TRIP12: variants seen among roughly 807,000 people sequenced by gnomAD.
TRIP12 encodes the protein thyroid hormone receptor interactor 12.
A neutral mutation model predicts 244.2 loss-of-function variants in TRIP12; 25 were observed. The ratio of observed to expected loss-of-function variants is 0.10; its 90% CI spans 0.07 to 0.14. The LOEUF is 0.14. TRIP12 is among the 10% of genes least tolerant of loss of function. The pLI is 1.00. For missense variants in TRIP12, 1,677 were observed against 2,486.4 expected (o/e 0.67, Z 6.92); for synonymous variants, 905 against 873.1 (o/e 1.04, Z -0.64).
Position 229,872,564 on chromosome 2 carries a change from C to CA in TRIP12, c.98+7417dup, listed in dbSNP as rs796098483. Among the ~76,000 whole-genome samples the CA allele has an allele frequency of 1.1e-4, 17 of 149,676 alleles. No individual in the cohort carries two copies. The South Asian group carries it at 1.7e-3, about 15-fold the overall frequency. ...GTGAGACAGAGCAAGACTCTGTCTC[C>CA]AAAAAAAATAAAGAAAAAGATGCCT... On this transcript the variant is annotated intron_variant, in intron 2 of 41. Coordinates refer to ENST00000675903, the MANE Select transcript of TRIP12 (RefSeq NM_001348323.3).
chr2:229,810,759 T>C (rs1420681037), intron 15 of TRIP12, 121 bp downstream of exon 15: 1 of 978,976 alleles, frequency 1.0e-6, no homozygotes, highest in Non-Finnish European at 1.5e-6. Flanking sequence ...AACACTTTTC[T>C]TTACTATCCA....
chr2:229,787,797 G>T, intron 32 of TRIP12, 136 bp from the exon 33 acceptor site: 1 of 874,962 alleles, frequency 1.1e-6, no homozygotes, highest in Non-Finnish European at 1.7e-6. Flanking sequence ...AAATTGTTTA[G>T]GTCAATTTAT....
intron 4 of TRIP12, among the ~76,000 whole-genome samples, chr2:229,844,046 A>G (rs1406623219): frequency 3.3e-5 from 5 of 152,324 alleles, no homozygotes; most frequent in South Asian, 2.1e-4. Flanking sequence ...GAAATGTGAT[A>G]TAATTAAAAC....
chr2:229,858,289 G>A (rs1006576546), intron 4 of TRIP12, among the ~76,000 whole-genome samples: 49 of 152,310 alleles, frequency 3.2e-4, no homozygotes, highest in African/African-American at 1.2e-3. Context: ...CTTAAGCCCA[G>A]GAGGCGGAGG....
chr2:229,783,771 T>G (rs994242653), intron 34 of TRIP12, among the ~76,000 whole-genome samples: 4 of 146,014 alleles, frequency 2.7e-5, no homozygotes, highest in Non-Finnish European at 6.0e-5. Context: ...ATTCTAAAAT[T>G]CACATGAAAT....
intron 1 of TRIP12, among the ~76,000 whole-genome samples, chr2:229,880,472 A>C (rs904367991): frequency 1.6e-4 from 25 of 152,240 alleles, no homozygotes; most frequent in African/African-American, 5.8e-4. Context: ...CTAAACAGGC[A>C]CTACACCTCA....
chr2:229,835,007 A>G (rs959016577), intron 6 of TRIP12, among the ~76,000 whole-genome samples: 1 of 152,214 alleles, frequency 6.6e-6, no homozygotes, highest in African/African-American at 2.4e-5. Context: ...AAACCTATAC[A>G]CCATACTAAT....
At chr2:229,898,508 T>C (rs1277638168) in intron 1 of TRIP12, among the ~76,000 whole-genome samples, 1 of 152,166 alleles carries the variant, frequency 6.6e-6, no homozygotes, top group Non-Finnish European at 1.5e-5. Flanking sequence ...GGATTAGAAT[T>C]AGAACTCCAG....
chr2:229,785,720 G>A (rs528488516), intron 34 of TRIP12, 37 bp downstream of exon 34: 17 of 1,576,476 alleles, frequency 1.1e-5, no homozygotes, highest in African/African-American at 4.1e-5. Flanking sequence ...AAGAGCACAA[G>A]TCAAGCTAAA....
At chr2:229,797,886 A>C in intron 23 of TRIP12, 55 bp from the exon 24 acceptor site, 1 of 1,555,642 alleles carries the variant, frequency 6.4e-7, no homozygotes, top group Non-Finnish European at 8.7e-7. Flanking sequence ...AAAGGATATA[A>C]CTTCTGATCA....
Position 229,815,202 on chromosome 2 carries a change from A to T in TRIP12, c.1636-8T>A, listed in dbSNP as rs756544994. 9.3e-6 allele frequency: 15 copies of T among 1,608,398 alleles called. No homozygotes were observed. The East Asian group carries it at 3.1e-4, about 34-fold the overall frequency. Reference sequence around the variant, plus strand: ...TCGACAAGCATGGTTCATCTAGAAAAGAAGAGATTTTAATGAGTAAAAACT... The same window carrying T: ...TCGACAAGCATGGTTCATCTAGAAATGAAGAGATTTTAATGAGTAAAAACT... On this transcript the variant is annotated splice_polypyrimidine_tract_variant and splice_region_variant and intron_variant, in intron 10 of 41. Coordinates refer to ENST00000675903, the MANE Select transcript of TRIP12 (RefSeq NM_001348323.3).
At chr2:229,894,090 G>C (rs1364502292) in intron 1 of TRIP12, among the ~76,000 whole-genome samples, 1 of 152,170 alleles carries the variant, frequency 6.6e-6, no homozygotes, top group Non-Finnish European at 1.5e-5. Context: ...GAGGGATGGA[G>C]GCTGCAGCGA....
chr2:229,906,978 A>T (rs1464416776), intron 1 of TRIP12, among the ~76,000 whole-genome samples: 1 of 152,186 alleles, frequency 6.6e-6, no homozygotes, highest in Non-Finnish European at 1.5e-5. Context: ...CTGAACCTAA[A>T]TCAAATTTAG....
At chr2:229,887,924 A>C (rs181675694) in intron 1 of TRIP12, among the ~76,000 whole-genome samples, 1 of 152,346 alleles carries the variant, frequency 6.6e-6, no homozygotes. Context: ...GTACAGAAGA[A>C]AAGACAACCC....
chr2:229,852,602 A>G (rs749786555), intron 4 of TRIP12, among the ~76,000 whole-genome samples: 20 of 152,222 alleles, frequency 1.3e-4, no homozygotes, highest in African/African-American at 4.1e-4. Context: ...AAATTGTTAC[A>G]TAACAATTTT....
chr2:229,823,275 C>T (rs1462759594), intron 8 of TRIP12, among the ~76,000 whole-genome samples: 1 of 152,102 alleles, frequency 6.6e-6, no homozygotes, highest in African/African-American at 2.4e-5. Context: ...TCACTTAAAC[C>T]CTATATAGTC....
intron 33 of TRIP12, among the ~76,000 whole-genome samples, chr2:229,786,659 C>T (rs924244190): frequency 7.4e-5 from 11 of 149,158 alleles, no homozygotes; most frequent in Admixed American, 1.3e-4. Flanking sequence ...CCTCATGATC[C>T]GCCCGCCTCG....
In TRIP12 at chr2:229,787,414, C is replaced by A. The variant is rs557643540; in HGVS notation, c.4995+91G>T. On this transcript the variant is annotated intron_variant, in intron 33 of 41. Coordinates refer to ENST00000675903, the MANE Select transcript of TRIP12 (RefSeq NM_001348323.3). ...CTGAATATGACCAAGGCCTCCAAGA[C>A]CAACATGCATATTTAGATATACTAC... 2.2e-6 allele frequency: 3 copies of A among 1,376,140 alleles called. No homozygotes were observed. The South Asian group carries it at 4.7e-5, about 21-fold the overall frequency. 85.2% of individuals were successfully genotyped at this position (1,376,140 alleles called of 1,614,324 possible). A position where few individuals can be genotyped will look rare whatever the true frequency, so the allele number is the denominator to read the frequency against.
chr2:229,805,658 A>G, intron 18 of TRIP12, 72 bp downstream of exon 18: 1 of 1,346,972 alleles, frequency 7.4e-7, no homozygotes, highest in Non-Finnish European at 9.8e-7. Flanking sequence ...TAATAAGCCA[A>G]TTATTATTTA....
Sources: gnomAD v4.1 joint callset for allele counts (sites outside exome capture counted in the v4.1 genomes callset) on GRCh38, gnomAD v4.1.1 for gene constraint, MANE v1.5 for transcripts, NCBI Gene and HGNC (gene_info 2026-07-23, HGNC 2026-07-21) for gene names.